Variants in DLG2 observed in about 807,000 individuals in gnomAD.
The protein encoded by DLG2 is disks large homolog 2.
A neutral mutation model predicts 132.5 loss-of-function variants in DLG2; 45 were observed. The ratio of observed to expected loss-of-function variants is 0.34; its 90% CI spans 0.27 to 0.44. The LOEUF (loss-of-function observed/expected upper bound fraction) is 0.44, where lower values mean the gene tolerates loss of function less well. Ranked by LOEUF, DLG2 falls within the 20% of genes least tolerant of loss-of-function variation. The pLI is 1.00. For synonymous variants in DLG2, 424 were observed against 419.6 expected, an observed-to-expected ratio of 1.01 and a Z score of -0.13; for missense variants, 1,045 against 1,196.9, an observed-to-expected ratio of 0.87 and a Z score of 1.87.
chr11:84,025,432 A>C (rs1268103251), intron 11 of DLG2, among the ~76,000 whole-genome samples: 2 of 152,160 alleles, frequency 1.3e-5, no homozygotes. Context: ...TTGGGAATTC[A>C]AGATGAGATC....
At chr11:85,109,503 G>A (rs950713547) in intron 6 of DLG2, among the ~76,000 whole-genome samples, 2 of 151,974 alleles carry the variant, frequency 1.3e-5, no homozygotes, top group African/African-American at 2.4e-5. Flanking sequence ...ATCCCAAGGG[G>A]TTCAACTCCA....
intron 2 of DLG2, among the ~76,000 whole-genome samples, chr11:85,620,834 A>G (rs1266572371): frequency 1.3e-5 from 2 of 152,254 alleles, no homozygotes; most frequent in Non-Finnish European, 2.9e-5. Context: ...GTGAAGCAGC[A>G]AGTGCTGATG....
chr11:84,848,509 A>T (rs944296863), intron 6 of DLG2, among the ~76,000 whole-genome samples: 3 of 152,120 alleles, frequency 2.0e-5, no homozygotes, highest in Non-Finnish European at 4.4e-5. Context: ...AATAAAAAAT[A>T]AAATAAAAGC....
intron 6 of DLG2, among the ~76,000 whole-genome samples, chr11:84,571,969 C>G (rs1018279712): frequency 6.6e-6 from 1 of 152,080 alleles, no homozygotes; most frequent in Non-Finnish European, 1.5e-5. Flanking sequence ...GTACTTATAA[C>G]AACTCTTTGA....
chr11:85,104,621 C>A (rs1190716893), intron 6 of DLG2, among the ~76,000 whole-genome samples: 2 of 151,476 alleles, frequency 1.3e-5, no homozygotes, highest in Non-Finnish European at 2.9e-5. Context: ...CCAGAAATGT[C>A]CCAAAATTGA....
chr11:84,608,216 T>G (rs1593614589), intron 6 of DLG2, among the ~76,000 whole-genome samples: 1 of 152,298 alleles, frequency 6.6e-6, no homozygotes, highest in South Asian at 2.1e-4. Context: ...ATTAGACATG[T>G]GGCCCAACTC....
rs182642722 is a variant in DLG2, at chr11:84,084,486, G to C, written c.749+14437C>G. Among the ~76,000 whole-genome samples the C allele has an allele frequency of 1.2e-3, 183 of 152,224 alleles. 1 individual carries two copies. The highest frequency in any genetic ancestry group is 4.3e-3 in the African/African-American group (180 of 41,536). ...GGGAGAAACCGCTCTCAGAAGATATGCAAGATTTTGTTCTACTGTTGCCAC... is the reference window on the plus strand; with the variant it reads ...GGGAGAAACCGCTCTCAGAAGATATCCAAGATTTTGTTCTACTGTTGCCAC... On this transcript the variant is annotated intron_variant, in intron 10 of 27. Coordinates refer to ENST00000376104, the MANE Select transcript of DLG2 (RefSeq NM_001142699.3).
At chr11:85,487,556 A>C (rs1055077758) in intron 3 of DLG2, among the ~76,000 whole-genome samples, 13 of 151,856 alleles carry the variant, frequency 8.6e-5, no homozygotes, top group African/African-American at 1.2e-4. Flanking sequence ...AGTTTTAAAA[A>C]TAGACTAGAG....
chr11:85,560,004 C>T (rs374505617), intron 3 of DLG2, among the ~76,000 whole-genome samples: 3 of 150,470 alleles, frequency 2.0e-5, no homozygotes, highest in East Asian at 1.9e-4. Context: ...TATGAGAAAA[C>T]CATTTATTAT....
At chr11:84,556,820 T>A (rs891696675) in intron 6 of DLG2, among the ~76,000 whole-genome samples, 8 of 152,240 alleles carry the variant, frequency 5.3e-5, no homozygotes, top group Admixed American at 4.6e-4. Flanking sequence ...CATGTAGTAT[T>A]GCGTTTTCTG....
chr11:84,876,752 C>G (rs1405403145), intron 6 of DLG2, among the ~76,000 whole-genome samples: 6 of 152,092 alleles, frequency 3.9e-5, no homozygotes, highest in Non-Finnish European at 2.9e-5. Context: ...TCTTGCTTCT[C>G]TAGTTCTTTT....
rs912424927 is a variant in DLG2 at position 84,115,836 on chromosome 11, T to C, written c.625-16789A>G. ...ACCCTTATTTTGTTAACTGCATATA[T>C]ATTGTATGAGTACCTCACTAGAGTA... is the stretch of plus-strand genomic sequence containing the variant. On this transcript the variant is annotated intron_variant, in intron 9 of 27. Coordinates refer to ENST00000376104, the MANE Select transcript of DLG2 (RefSeq NM_001142699.3). Among the ~76,000 whole-genome samples the C allele has an allele frequency of 3.9e-5, 6 of 152,202 alleles. No homozygotes were observed. In the East Asian group the frequency reaches 1.2e-3, roughly 29 times the overall value.
chr11:84,767,330 T>C (rs1486132568), intron 6 of DLG2, among the ~76,000 whole-genome samples: 1 of 152,042 alleles, frequency 6.6e-6, no homozygotes, highest in African/African-American at 2.4e-5. Flanking sequence ...GGGCAAAGGC[T>C]TGAGGATCAG....
chr11:84,428,512 G>GT (rs1485302576), intron 7 of DLG2, among the ~76,000 whole-genome samples: 1 of 152,180 alleles, frequency 6.6e-6, no homozygotes, highest in Non-Finnish European at 1.5e-5. Context: ...TCAGGGTATG[G>GT]TTTCCAGTGA....
chr11:85,269,093 C>T (rs1439595520), intron 4 of DLG2, among the ~76,000 whole-genome samples: 1 of 152,198 alleles, frequency 6.6e-6, no homozygotes, highest in Non-Finnish European at 1.5e-5. Flanking sequence ...AATGTGTGTG[C>T]TTCAATCTAG....
intron 4 of DLG2, among the ~76,000 whole-genome samples, chr11:85,174,666 T>C (rs754708216): frequency 6.6e-6 from 1 of 152,012 alleles, no homozygotes; most frequent in Non-Finnish European, 1.5e-5. Context: ...AAAAAGTCAA[T>C]AAATCCAGGA....
At chr11:84,749,097 C>A (rs1029013088) in intron 6 of DLG2, among the ~76,000 whole-genome samples, 1 of 152,126 alleles carries the variant, frequency 6.6e-6, no homozygotes, top group African/African-American at 2.4e-5. Flanking sequence ...AGCTTTATAA[C>A]CCACCCTCCC....
At chr11:84,195,929 A>G (rs1345674290) in intron 8 of DLG2, among the ~76,000 whole-genome samples, 2 of 152,200 alleles carry the variant, frequency 1.3e-5, no homozygotes, top group Non-Finnish European at 2.9e-5. Flanking sequence ...TTATAATTCT[A>G]GGACATAGAA....
intron 18 of DLG2, among the ~76,000 whole-genome samples, chr11:83,757,412 A>G (rs1030561354): frequency 6.6e-6 from 1 of 152,246 alleles, no homozygotes; most frequent in African/African-American, 2.4e-5. Context: ...TCACTTAACA[A>G]AGAACTACTT....
Sources: gnomAD v4.1 joint callset for allele counts (sites outside exome capture counted in the v4.1 genomes callset) on GRCh38, gnomAD v4.1.1 for gene constraint, MANE v1.5 for transcripts, NCBI Gene and HGNC (gene_info 2026-07-23, HGNC 2026-07-21) for gene names.